The following RALA variants were observed in gnomAD, a reference collection of about 807,000 sequenced individuals.
RALA encodes RAS like proto-oncogene A, also known as ras-related protein Ral-A.
Under a neutral mutation model 24.0 loss-of-function variants are expected in RALA, and 5 were observed. The observed-to-expected ratio is 0.21, with a 90% CI of 0.11 to 0.44. RALA has a LOEUF of 0.44. RALA is among the 20% of genes least tolerant of loss of function. The pLI, the probability that RALA is intolerant of heterozygous loss-of-function variation, is 0.99. For synonymous variants in RALA, 77 were observed against 83.8 expected, an observed-to-expected ratio of 0.92 and a Z score of 0.44; for missense variants, 95 against 241.2, an observed-to-expected ratio of 0.39 and a Z score of 4.01.
chr7:39,702,300 A>T (rs539508428), intron 4 of RALA, among the ~76,000 whole-genome samples: 1 of 152,298 alleles, frequency 6.6e-6, no homozygotes, highest in South Asian at 2.1e-4. Flanking sequence ...AAAAGCAGTC[A>T]TACATATCTC....
At chr7:39,673,369 C>G (rs1792422536) in intron 1 of RALA, among the ~76,000 whole-genome samples, 1 of 151,904 alleles carries the variant, frequency 6.6e-6, no homozygotes, top group South Asian at 2.1e-4. Flanking sequence ...TGTACCTTTA[C>G]CAAAATACAC....
chr7:39,681,302 CTTTTTTTTTTTTTTTTT>C (rs70996832), intron 1 of RALA, among the ~76,000 whole-genome samples: 2 of 50,008 alleles, frequency 4.0e-5, no homozygotes, highest in African/African-American at 8.0e-5. Flanking sequence ...CACCCTATTC[CTTTTTTTTTTTTTTTTT>C]TTTTTTTTTT....
Position 39,681,302 on chromosome 7 carries a change from CTTTTTTTTTTTTTTTTTTT to C in RALA, c.-37-5314_-37-5296del, listed in dbSNP as rs70996832. Among the ~76,000 whole-genome samples the C allele has an allele frequency of 1.4e-4, 7 of 50,048 alleles. No individual in the cohort carries two copies. The East Asian group carries it at 4.6e-3, about 33-fold the overall frequency. The allele number at this position is 50,048 out of a possible 152,430, so 32.8% of individuals were successfully genotyped here. On this transcript the variant is annotated intron_variant, in intron 1 of 4. Coordinates refer to ENST00000005257, the MANE Select transcript of RALA (RefSeq NM_005402.4). The stretch of plus-strand genomic sequence containing the variant: ...TCCTCAACCCAAACCCACCCTATTC[CTTTTTTTTTTTTTTTTTTT>C]TTTTTTTTTTTTTTGAGACAGAGTC...
intron 1 of RALA, among the ~76,000 whole-genome samples, chr7:39,681,145 A>G (rs1167668429): frequency 1.3e-5 from 2 of 152,000 alleles, no homozygotes; most frequent in Admixed American, 1.3e-4. Context: ...GATGATTGTT[A>G]TGCAGACATC....
intron 1 of RALA, among the ~76,000 whole-genome samples, chr7:39,660,762 A>G (rs113725993): frequency 2.9e-4 from 44 of 152,334 alleles, no homozygotes; most frequent in African/African-American, 1.0e-3. Context: ...GGTGAGCTGT[A>G]TAACCTAGAA....
rs1189041088 is a variant in RALA at position 39,662,743 on chromosome 7, CT to C, written c.-37-23885del. Reference sequence around the variant, plus strand: ...AGACTTTCCCACATTTTCCTGTCTTCTTTGGAGCCCTCCAGACTGTTCCAAT... The same window carrying C: ...AGACTTTCCCACATTTTCCTGTCTTCTTGGAGCCCTCCAGACTGTTCCAAT... On this transcript the variant is annotated intron_variant, in intron 1 of 4. Transcript: ENST00000005257. Among the ~76,000 whole-genome samples the C allele has an allele frequency of 2.0e-5, 3 of 152,178 alleles. No homozygotes were observed. In the East Asian group the frequency reaches 5.8e-4, roughly 29 times the overall value.
At chr7:39,638,637 G>A (rs1298192284) in intron 1 of RALA, among the ~76,000 whole-genome samples, 1 of 151,812 alleles carries the variant, frequency 6.6e-6, no homozygotes, top group African/African-American at 2.4e-5. Flanking sequence ...GTAGATATAG[G>A]GTTCTCCCCG....
intron 4 of RALA, among the ~76,000 whole-genome samples, chr7:39,699,118 G>GTTTTT (rs1209729467): frequency 8.9e-4 from 75 of 84,076 alleles, no homozygotes; most frequent in Non-Finnish European, 1.1e-3. Flanking sequence ...TGCTAAAAAT[G>GTTTTT]TTATTTTTTT....
At chr7:39,647,600 A>G (rs749801971) in intron 1 of RALA, among the ~76,000 whole-genome samples, 4 of 152,068 alleles carry the variant, frequency 2.6e-5, no homozygotes, top group Non-Finnish European at 5.9e-5. Context: ...CCAAATTTGT[A>G]TGTTGAAATC....
intron 1 of RALA, among the ~76,000 whole-genome samples, chr7:39,633,069 A>T (rs1387858994): frequency 1.3e-5 from 2 of 152,134 alleles, no homozygotes. Context: ...TTCTAGGCTA[A>T]AGCTGTCATA....
At chr7:39,680,824 T>G (rs1474354184) in intron 1 of RALA, among the ~76,000 whole-genome samples, 1 of 152,144 alleles carries the variant, frequency 6.6e-6, no homozygotes, top group African/African-American at 2.4e-5. Context: ...CACTACAGTA[T>G]GTATTTGAAT....
At chr7:39,678,168 A>G (rs1325430782) in intron 1 of RALA, among the ~76,000 whole-genome samples, 1 of 151,436 alleles carries the variant, frequency 6.6e-6, no homozygotes, top group Non-Finnish European at 1.5e-5. Flanking sequence ...CAATGTGCAC[A>G]TGTACCCTAA....
chr7:39,630,384 T>G (rs772190095), intron 1 of RALA, among the ~76,000 whole-genome samples: 5 of 152,122 alleles, frequency 3.3e-5, no homozygotes, highest in Non-Finnish European at 7.4e-5. Flanking sequence ...CTTTCAGTCT[T>G]TTTTCCTCTC....
intron 1 of RALA, among the ~76,000 whole-genome samples, chr7:39,624,763 TG>T (rs956973196): frequency 3.9e-5 from 6 of 151,908 alleles, no homozygotes; most frequent in South Asian, 2.1e-4. Context: ...TTGTGTGGTG[TG>T]GGGGGGGAAC....
chr7:39,670,781 A>G (rs143071526), intron 1 of RALA, among the ~76,000 whole-genome samples: 1,756 of 152,316 alleles, frequency 0.012, 19 homozygotes, highest in Non-Finnish European at 0.019. Flanking sequence ...CATTCAGGTC[A>G]TAGTCTAGTA....
rs1275316626 is a variant in RALA at position 39,674,958 on chromosome 7, G to A, written c.-37-11673G>A. Reference sequence around the variant, plus strand: ...CCTGCTTCAGCCTCCTGCATAGCTGGGATTACAGGCACACGCTACCACACC... The same window carrying A: ...CCTGCTTCAGCCTCCTGCATAGCTGAGATTACAGGCACACGCTACCACACC... On this transcript the variant is annotated intron_variant, in intron 1 of 4. Transcript: ENST00000005257. 4.0e-5 allele frequency among the ~76,000 whole-genome samples: 6 copies of A among 151,354 alleles called. No individual in the cohort carries two copies. In the East Asian group the frequency reaches 1.2e-3, roughly 29 times the overall value.
At chr7:39,680,392 C>CA (rs1016335460) in intron 1 of RALA, among the ~76,000 whole-genome samples, 1 of 105,464 alleles carries the variant, frequency 9.5e-6, no homozygotes, top group African/African-American at 4.7e-5. Context: ...AAAACAAAAA[C>CA]AAAAAAAACA....
chr7:39,628,332 C>T (rs1225733756), intron 1 of RALA, among the ~76,000 whole-genome samples: 1 of 151,420 alleles, frequency 6.6e-6, no homozygotes, highest in Non-Finnish European at 1.5e-5. Flanking sequence ...TTTCATTAGC[C>T]TATTGTAAAT....
chr7:39,644,406 C>T (rs2115951621), intron 1 of RALA, among the ~76,000 whole-genome samples: 1 of 152,236 alleles, frequency 6.6e-6, no homozygotes, highest in South Asian at 2.1e-4. Context: ...TGTCTTAGCA[C>T]ATCCTGGTCC....
Sources: gnomAD v4.1 joint callset for allele counts (sites outside exome capture counted in the v4.1 genomes callset) on GRCh38, gnomAD v4.1.1 for gene constraint, MANE v1.5 for transcripts, NCBI Gene and HGNC (gene_info 2026-07-23, HGNC 2026-07-21) for gene names.